The following KLC2 variants were observed in gnomAD, a reference collection of about 807,000 sequenced individuals.
KLC2 encodes KLC 2.
KLC2 carries 35 observed loss-of-function variants against 75.1 expected under a neutral mutation model. That is an observed-to-expected ratio of 0.47 (90% CI 0.36 to 0.62). The LOEUF (loss-of-function observed/expected upper bound fraction) is 0.62. KLC2 is among the 20% of genes least tolerant of loss of function. The pLI is 0.00. For missense variants in KLC2, 611 were observed against 833.2 expected, an observed-to-expected ratio of 0.73 and a Z score of 3.28; for synonymous variants, 314 against 336.7, an observed-to-expected ratio of 0.93 and a Z score of 0.74.
chr11:66,264,280 G>C (rs1856654173), intron 8 of KLC2, 61 bp downstream of exon 8: 1 of 1,567,350 alleles, frequency 6.4e-7, no homozygotes, highest in Non-Finnish European at 8.7e-7. Flanking sequence ...TGAGGTTGGG[G>C]AAGAAGGAGA....
At chr11:66,264,686 C>T (rs1382886729) in intron 9 of KLC2, 1 of 586,870 alleles carries the variant, frequency 1.7e-6, no homozygotes, top group East Asian at 2.8e-5. Context: ...CCCTTCTCCA[C>T]TGGCGATTCT....
chr11:66,264,940 C>T (rs1856709490), intron 9 of KLC2, 83 bp from the exon 10 acceptor site: 3 of 1,392,090 alleles, frequency 2.2e-6, no homozygotes, highest in Admixed American at 2.1e-5. Flanking sequence ...GTGGTCTCCC[C>T]TCCCCTGACC....
intron 2 of KLC2, 83 bp from the exon 3 acceptor site, chr11:66,261,659 G>C (rs572827): frequency 0.94 from 787,070 of 841,528 alleles, 368,386 homozygotes; most frequent in East Asian, 1. Context: ...TTCACTGGGT[G>C]CCAGAGCCCA....
chr11:66,252,248 T>C, the KLC2 span, among the ~76,000 whole-genome samples: 4 of 152,218 alleles, frequency 2.6e-5, no homozygotes, highest in Admixed American at 2.6e-4. Context: ...GTCTGTTATG[T>C]ACAAGGCCTA....
At chr11:66,247,066 A>G in the KLC2 span, among the ~76,000 whole-genome samples, 4 of 152,082 alleles carry the variant, frequency 2.6e-5, no homozygotes, top group Non-Finnish European at 5.9e-5. Flanking sequence ...CCCTCCTAGT[A>G]AATGCAAACT....
chr11:66,264,947 G>A (rs910649062), intron 9 of KLC2, 76 bp from the exon 10 acceptor site: 1 of 1,458,676 alleles, frequency 6.9e-7, no homozygotes. Context: ...CCCCTCCCCT[G>A]ACCCCAGTCC....
At chr11:66,259,932 G>A (rs1163202963) in intron 2 of KLC2, 1 of 152,248 alleles carries the variant, frequency 6.6e-6, no homozygotes, top group African/African-American at 2.4e-5. Flanking sequence ...GGGCCTTGGT[G>A]GATCAGAACT....
Position 66,263,701 on chromosome 11 carries a change from A to T in KLC2, c.794A>T (p.Asp265Val), listed in dbSNP as rs1856599436. ...AAGGAGGCTGCCCACCTGCTCAATG[A>T]TGCTCTGGCCATCCGGGAGAAAACA... ...KYKEAAHLLN[D>V]ALAIREKTLG... Residue 265 changes from aspartate to valine, a missense_variant, in exon 6 of 16, where the codon GAT becomes GTT. By Grantham distance (152) the Asp-to-Val change is radical. Transcript: ENST00000394067. 1 of 1,613,826 alleles carries T rather than the reference A, an allele frequency of 6.2e-7. No homozygotes were observed. The highest frequency in any genetic ancestry group is 1.3e-5 in the African/African-American group (1 of 74,860).
upstream of KLC2, among the ~76,000 whole-genome samples, chr11:66,256,662 C>A (rs1036124456): frequency 3.3e-5 from 5 of 152,128 alleles, no homozygotes; most frequent in Non-Finnish European, 7.3e-5. Context: ...AAAGTAAGAA[C>A]CTGTCACTTA....
chr11:66,256,269 T>C (rs545289335), upstream of KLC2, among the ~76,000 whole-genome samples: 9 of 150,002 alleles, frequency 6.0e-5, no homozygotes, highest in African/African-American at 2.2e-4. Context: ...TGTAGTGGCA[T>C]GCACTTGTAG....
At position 66,267,574 on chromosome 11, in the gene KLC2, G is replaced by T. The variant is rs890008602; in HGVS notation, c.*618G>T. Reference sequence around the variant, plus strand: ...GTCCTACCCGCGCCATCGCCCCGTGGCCCAGGACGGGGACCTCCCCTTAGT... The same window carrying T: ...GTCCTACCCGCGCCATCGCCCCGTGTCCCAGGACGGGGACCTCCCCTTAGT... On this transcript the variant is annotated 3_prime_UTR_variant, in exon 16 of 16. Coordinates refer to ENST00000394067, the MANE Select transcript of KLC2 (RefSeq NM_001318734.2). The T allele has an allele frequency of 1.4e-5, 9 of 621,852 alleles. No homozygotes were observed. The highest frequency in any genetic ancestry group is 2.3e-5 in the Non-Finnish European group (8 of 342,244). The allele number at this position is 621,852 out of a possible 1,614,324, so 38.5% of individuals were successfully genotyped here. A position where few individuals can be genotyped will look rare whatever the true frequency, so the allele number is the denominator to read the frequency against.
intron 10 of KLC2, 46 bp from the exon 11 acceptor site, chr11:66,265,122 C>G: frequency 6.2e-7 from 1 of 1,609,752 alleles, no homozygotes; most frequent in South Asian, 1.1e-5. Context: ...CTGGGATGTG[C>G]AGAGGGGGGC....
At chr11:66,246,130 G>A in the KLC2 span, 1 of 152,646 alleles carries the variant, frequency 6.6e-6, no homozygotes, top group African/African-American at 2.4e-5. Context: ...TAAATGAGGT[G>A]ATAGCGGGGC....
the KLC2 span, among the ~76,000 whole-genome samples, chr11:66,251,611 A>G: frequency 6.6e-6 from 1 of 151,198 alleles, no homozygotes; most frequent in Non-Finnish European, 1.5e-5. Flanking sequence ...CGTCTCTACT[A>G]AAAATACAAA....
chr11:66,265,741 G>A lies in KLC2; in HGVS notation c.1421G>A (p.Cys474Tyr). The A allele has an allele frequency of 3.7e-6, 6 of 1,613,558 alleles. No homozygotes were observed. The highest frequency in any genetic ancestry group is 5.1e-6 in the Non-Finnish European group (6 of 1,179,812). The change falls in exon 12 of 16, where the codon TGT becomes TAT. Residue 474 changes from cysteine (C) to tyrosine (Y), a missense_variant. Physicochemically the swap from Cys to Tyr is radical, Grantham distance 194 (BLOSUM62 -2). Coordinates refer to ENST00000394067, the MANE Select transcript of KLC2 (RefSeq NM_001318734.2). ...KLEAAHTLED[C>Y]ASRNRKQGLD... The stretch of plus-strand genomic sequence containing the variant: ...GAAGCCGCGCACACACTAGAGGACT[G>A]TGCCAGCCGTAACCGCAAGCAGGTG...
chr11:66,255,852 G>A (rs376805821), upstream of KLC2, among the ~76,000 whole-genome samples: 217 of 149,766 alleles, frequency 1.4e-3, 4 homozygotes, highest in South Asian at 0.042. Context: ...TGCAACCTCC[G>A]CCTCCCGGGT....
Position 66,262,180 on chromosome 11 carries a change from G to A in KLC2, c.517G>A (p.Glu173Lys), listed in dbSNP as rs937018044. The A allele has an allele frequency of 1.9e-6, 3 of 1,613,358 alleles. No homozygotes were observed. The highest frequency in any genetic ancestry group is 1.1e-5 in the South Asian group (1 of 91,018). ...GGATGACCTGTTCCCCAATGAGGAT[G>A]AGCAGAGCCCAGGTGCGGATGGGCA... ...TLDDLFPNEDEQSPAPSPGGG... is the reference protein window; with the variant it reads ...TLDDLFPNEDKQSPAPSPGGG... Residue 173 changes from glutamate to lysine, a missense_variant, in exon 4 of 16, where the codon GAG becomes AAG. Coordinates refer to ENST00000394067, the MANE Select transcript of KLC2 (RefSeq NM_001318734.2).
rs889363165 is a variant in KLC2 at position 66,264,374 on chromosome 11, C to T, written c.1146C>T (p.Tyr382=). 1.2e-6 allele frequency: 2 copies of T among 1,613,362 alleles called. No homozygotes were observed. The highest frequency in any genetic ancestry group is 2.7e-5 in the African/African-American group (2 of 74,896). The change falls in exon 9 of 16, where the codon TAC becomes TAT. Residue 382 remains tyrosine (Y), a synonymous_variant. Coordinates refer to ENST00000394067, the MANE Select transcript of KLC2 (RefSeq NM_001318734.2). ...CCTGCTACCTGAAGCAGGGCAAGTA[C>T]CAGGATGCGGAGACCTTGTACAAGG... ...LASCYLKQGK[Y]QDAETLYKEI...
Position 66,263,043 on chromosome 11 carries a change from AC to A in KLC2, c.752+8del. 6.2e-7 allele frequency: 1 copy of A among 1,607,056 alleles called. No homozygotes were observed. On this transcript the variant is annotated splice_region_variant and intron_variant, in intron 5 of 15. Coordinates refer to ENST00000394067, the MANE Select transcript of KLC2 (RefSeq NM_001318734.2). ...TCCTGGCACTGGTCTATCGGTGAGG[AC>A]TCTCTGGGGGTGCCCAAATTCTTCT...
Sources: allele counts gnomAD v4.1 joint callset (sites outside exome capture counted in the v4.1 genomes callset), GRCh38; gene constraint gnomAD v4.1.1; transcripts MANE v1.5; gene names NCBI Gene and HGNC (gene_info 2026-07-23, HGNC 2026-07-21).